Variants in MED12L observed in about 807,000 individuals in gnomAD.
MED12L encodes the protein mediator complex subunit 12L.
Under a neutral mutation model 281.3 loss-of-function variants are expected in MED12L, and 60 were observed. The observed-to-expected ratio is 0.21, with a 90% CI of 0.17 to 0.26. The LOEUF is 0.26. Ranked by LOEUF, MED12L falls within the 10% of genes least tolerant of loss-of-function variation. The probability of loss-of-function intolerance (pLI) is 1.00; values close to 1 mark genes in which losing one functional copy is unlikely to be tolerated. For missense variants in MED12L, 2,146 were observed against 2,680.9 expected (o/e 0.80, Z 4.41); for synonymous variants, 974 against 987.2 (o/e 0.99, Z 0.25).
intron 16 of MED12L, among the ~76,000 whole-genome samples, chr3:151,286,615 A>G (rs1743540400): frequency 1.3e-5 from 2 of 152,182 alleles, no homozygotes; most frequent in Non-Finnish European, 2.9e-5. Context: ...TCATTGATGA[A>G]ATGGCTGGAT....
Position 151,329,358 on chromosome 3 carries a change from A to G in MED12L, c.2251-20701A>G, listed in dbSNP as rs996424409. 41 of 620,778 alleles carry G rather than the reference A, an allele frequency of 6.6e-5. No homozygotes were observed. The East Asian group carries it at 9.4e-4, about 14-fold the overall frequency. 38.5% of individuals were successfully genotyped at this position (620,778 alleles called of 1,614,324 possible). A position where few individuals can be genotyped will look rare whatever the true frequency, so the allele number is the denominator to read the frequency against. ...CTAATACATCAGATTGCTGTAAATT[A>G]TGTAATTTCTTATGCTCATAAACTA... On this transcript the variant is annotated intron_variant, in intron 16 of 44. Coordinates refer to ENST00000687756, the MANE Select transcript of MED12L (RefSeq NM_001393769.1).
At chr3:151,289,004 A>G (rs1184743780) in intron 16 of MED12L, among the ~76,000 whole-genome samples, 1 of 152,210 alleles carries the variant, frequency 6.6e-6, no homozygotes, top group African/African-American at 2.4e-5. Context: ...GTTTGCCAAT[A>G]ATAAACTCCA....
intron 43 of MED12L, among the ~76,000 whole-genome samples, chr3:151,417,487 C>CCTCT (rs1717736742): frequency 1.3e-5 from 1 of 78,818 alleles, no homozygotes; most frequent in Non-Finnish European, 2.3e-5. Flanking sequence ...CCCCCCCCGC[C>CCTCT]TTTTTTTTTT....
intron 16 of MED12L, chr3:151,213,424 A>T (rs1004347927): frequency 6.2e-7 from 1 of 1,614,170 alleles, no homozygotes; most frequent in East Asian, 2.2e-5. Context: ...CGGCTGGCAT[A>T]GAAAGAAATA....
intron 2 of MED12L, among the ~76,000 whole-genome samples, chr3:151,104,172 G>A (rs959001253): frequency 6.6e-6 from 1 of 152,164 alleles, no homozygotes; most frequent in Non-Finnish European, 1.5e-5. Flanking sequence ...ATAGGTGACG[G>A]TGGATGTAAA....
intron 17 of MED12L, among the ~76,000 whole-genome samples, chr3:151,350,770 A>G (rs1434572110): frequency 1.3e-5 from 2 of 152,242 alleles, no homozygotes; most frequent in African/African-American, 2.4e-5. Flanking sequence ...TCTTTGCTCT[A>G]TAATGTCTTC....
chr3:151,202,395 G>A (rs1038222042), intron 16 of MED12L, among the ~76,000 whole-genome samples: 1 of 152,230 alleles, frequency 6.6e-6, no homozygotes, highest in Non-Finnish European at 1.5e-5. Flanking sequence ...AACTGGCTGG[G>A]CACAGTGGCT....
At chr3:151,276,966 A>G (rs1254136068) in intron 16 of MED12L, among the ~76,000 whole-genome samples, 3 of 152,024 alleles carry the variant, frequency 2.0e-5, no homozygotes, top group Non-Finnish European at 4.4e-5. Flanking sequence ...GCCCGATCTC[A>G]GCTCACCACA....
At chr3:151,368,061 T>G (rs1275125312) in intron 24 of MED12L, 89 bp from the exon 25 acceptor site, 2 of 1,073,746 alleles carry the variant, frequency 1.9e-6, no homozygotes, top group Admixed American at 2.4e-5. Context: ...TTTAAATAAT[T>G]ATTCCAGGAA....
intron 16 of MED12L, among the ~76,000 whole-genome samples, chr3:151,251,277 G>A (rs1396777995): frequency 1.3e-5 from 2 of 152,040 alleles, no homozygotes; most frequent in African/African-American, 2.4e-5. Flanking sequence ...TACTCAATGT[G>A]TCTCTCTCAA....
At chr3:151,154,922 C>T (rs995007419) in intron 5 of MED12L, among the ~76,000 whole-genome samples, 1 of 152,148 alleles carries the variant, frequency 6.6e-6, no homozygotes, top group African/African-American at 2.4e-5. Flanking sequence ...AGTATTTGTT[C>T]GTCTTTTCGC....
intron 4 of MED12L, 38 bp from the exon 5 acceptor site, chr3:151,127,787 C>T (rs1897296): frequency 0.23 from 333,714 of 1,448,198 alleles, 44,901 homozygotes; most frequent in African/African-American, 0.56. Flanking sequence ...GAACACAGTA[C>T]GTGATTATTA....
intron 5 of MED12L, among the ~76,000 whole-genome samples, chr3:151,129,194 G>T (rs1714978013): frequency 1.3e-5 from 2 of 152,188 alleles, no homozygotes; most frequent in Non-Finnish European, 2.9e-5. Flanking sequence ...GTGGTGCCCT[G>T]GATAAATGAG....
At chr3:151,244,112 T>A (rs1399624558) in intron 16 of MED12L, among the ~76,000 whole-genome samples, 3 of 119,612 alleles carry the variant, frequency 2.5e-5, no homozygotes, top group Admixed American at 1.8e-4. Context: ...CCAAGATTCA[T>A]AAAGCAAGTC....
At position 151,211,482 on chromosome 3, in the gene MED12L, G is replaced by A. The variant is rs150528204; in HGVS notation, c.2250+17816G>A. Among the ~76,000 whole-genome samples the A allele has an allele frequency of 3.8e-3, 576 of 149,742 alleles. 5 individuals are homozygous for A. Among genetic ancestry groups the A allele is most frequent in the African/African-American group, 0.013 (542 of 40,666 alleles). ...CATTTGTGATAGCATAGCAATTTTCGTTTTTTATTTTTTGAGACGGTCTGA... is the reference window on the plus strand; with the variant it reads ...CATTTGTGATAGCATAGCAATTTTCATTTTTTATTTTTTGAGACGGTCTGA... On this transcript the variant is annotated intron_variant, in intron 16 of 44. Coordinates refer to ENST00000687756, the MANE Select transcript of MED12L (RefSeq NM_001393769.1).
At chr3:151,237,610 C>A (rs1029008398) in intron 16 of MED12L, among the ~76,000 whole-genome samples, 2 of 152,060 alleles carry the variant, frequency 1.3e-5, no homozygotes, top group Non-Finnish European at 2.9e-5. Flanking sequence ...CTCGGCCTCC[C>A]AAAGTGCTGG....
At chr3:151,326,341 C>T (rs1354514351) in intron 16 of MED12L, 1 of 152,514 alleles carries the variant, frequency 6.6e-6, no homozygotes, top group African/African-American at 2.4e-5. Flanking sequence ...ATTGATTGCA[C>T]AATGAAACAA....
intron 5 of MED12L, among the ~76,000 whole-genome samples, chr3:151,152,170 G>A (rs1281063673): frequency 7.2e-6 from 1 of 138,352 alleles, no homozygotes; most frequent in Admixed American, 8.0e-5. Flanking sequence ...AGCAATCTGG[G>A]CTCACTGCAG....
chr3:151,295,268 A>G (rs941514871), intron 16 of MED12L: 4 of 1,220,484 alleles, frequency 3.3e-6, no homozygotes, highest in Admixed American at 4.0e-5. Flanking sequence ...CCCACAGGCT[A>G]CTAGGTTCCC....
Sources: allele counts gnomAD v4.1 joint callset (sites outside exome capture counted in the v4.1 genomes callset), GRCh38; gene constraint gnomAD v4.1.1; transcripts MANE v1.5; gene names NCBI Gene and HGNC (gene_info 2026-07-23, HGNC 2026-07-21).